ACBD5: variants seen among roughly 807,000 people sequenced by gnomAD.
The protein encoded by ACBD5 is acyl-CoA-binding domain-containing protein 5.
ACBD5 carries 40 observed loss-of-function variants against 71.8 expected under a neutral mutation model. The observed-to-expected ratio is 0.56, with a 90% CI of 0.43 to 0.72. The LOEUF (loss-of-function observed/expected upper bound fraction) is 0.72. ACBD5 is among the 30% of genes least tolerant of loss of function. ACBD5 has a pLI of 0.00. For missense variants in ACBD5, 559 were observed against 644.5 expected, an observed-to-expected ratio of 0.87 and a Z score of 1.44; for synonymous variants, 229 against 218.6, an observed-to-expected ratio of 1.05 and a Z score of -0.42.
chr10:27,195,968 C>T lies in ACBD5; in HGVS notation c.*1462G>A, dbSNP rs991275024. 7.8e-5 allele frequency: 34 copies of T among 433,406 alleles called. No homozygotes were observed. Among genetic ancestry groups the T allele is most frequent in the Non-Finnish European group, 1.5e-4 (33 of 220,050 alleles). The allele number at this position is 433,406 out of a possible 1,614,324, so 26.8% of individuals were successfully genotyped here. The stretch of plus-strand genomic sequence containing the variant: ...CTCTAATCCCAGCACTTTGGGAGGC[C>T]GAGGCAGGCAGATCACCTGAGGTTG... On this transcript the variant is annotated 3_prime_UTR_variant, in exon 13 of 13. Coordinates refer to ENST00000396271, the MANE Select transcript of ACBD5 (RefSeq NM_145698.5).
Position 27,240,778 on chromosome 10 carries a change from C to A in ACBD5, c.-90G>T. On this transcript the variant is annotated 5_prime_UTR_variant, in exon 1 of 13. An upstream start codon of the reference 5' UTR is lost. Coordinates refer to ENST00000396271, the MANE Select transcript of ACBD5 (RefSeq NM_145698.5). The surrounding 1 kb of genome is among the most constrained non-coding windows in gnomAD (Gnocchi z 4.1). ...ACCCTGGCGGAGCAGCCACACCCCC[C>A]ATTCCGCCGGAGTCCGTCTGTCAGT... 2 of 1,536,920 alleles carry A rather than the reference C, an allele frequency of 1.3e-6. No homozygotes were observed. Among genetic ancestry groups the A allele is most frequent in the Non-Finnish European group, 1.8e-6 (2 of 1,135,446 alleles).
At chr10:27,229,769 T>C (rs1397819890) in intron 4 of ACBD5, among the ~76,000 whole-genome samples, 1 of 152,222 alleles carries the variant, frequency 6.6e-6, no homozygotes, top group Non-Finnish European at 1.5e-5. Flanking sequence ...TTTCAATTTA[T>C]GGATATCTTG....
intron 7 of ACBD5, 40 bp from the exon 8 acceptor site, chr10:27,215,681 T>C (rs975358951): frequency 5.6e-6 from 8 of 1,433,336 alleles, no homozygotes; most frequent in Admixed American, 1.8e-5. Flanking sequence ...AATTATACTA[T>C]AGTAGAAGAA....
At chr10:27,194,648 T>TAAG (rs1459493023), downstream of ACBD5, among the ~76,000 whole-genome samples, 1 of 148,574 alleles carries the variant, frequency 6.7e-6, no homozygotes, top group African/African-American at 2.5e-5. Context: ...ATAATAATAA[T>TAAG]AAGATGGTTG....
At chr10:27,184,512 G>A (rs2058528018) in intron 13 of ACBD5, among the ~76,000 whole-genome samples, 1 of 150,332 alleles carries the variant, frequency 6.7e-6, no homozygotes, top group East Asian at 1.9e-4. Context: ...CAACATATTG[G>A]TCAGATTGCC....
chr10:27,203,245 T>G (rs1417855591), intron 12 of ACBD5, among the ~76,000 whole-genome samples: 1 of 152,086 alleles, frequency 6.6e-6, no homozygotes, highest in Non-Finnish European at 1.5e-5. Context: ...CTCAGCTTCC[T>G]AAAGTCCCGG....
chr10:27,207,876 A>G (rs1346054535), intron 10 of ACBD5, among the ~76,000 whole-genome samples: 1 of 152,040 alleles, frequency 6.6e-6, no homozygotes, highest in African/African-American at 2.4e-5. Flanking sequence ...CTGGGATTAC[A>G]GGTATGCAAC....
intron 3 of ACBD5, 30 bp from the exon 4 acceptor site, chr10:27,231,850 A>G (rs751269090): frequency 6.9e-6 from 11 of 1,593,620 alleles, no homozygotes; most frequent in Non-Finnish European, 9.5e-6. Context: ...CAAAATGACA[A>G]AGAGACATCT....
chr10:27,224,936 C>T (rs754022518), intron 4 of ACBD5, among the ~76,000 whole-genome samples: 2 of 151,970 alleles, frequency 1.3e-5, no homozygotes, highest in African/African-American at 2.4e-5. Flanking sequence ...GAGGCTGAGG[C>T]GAGAGAATTG....
chr10:27,190,113 C>T (rs113484892), intron 13 of ACBD5, among the ~76,000 whole-genome samples: 7,532 of 152,024 alleles, frequency 0.05, 214 homozygotes, highest in African/African-American at 0.081. Flanking sequence ...GGTAAAACCC[C>T]GTCTCTACTA....
At chr10:27,205,154 A>T in intron 11 of ACBD5, 44 bp downstream of exon 11, 2 of 1,579,748 alleles carry the variant, frequency 1.3e-6, no homozygotes, top group Non-Finnish European at 1.7e-6. Flanking sequence ...ACAACAAAAA[A>T]CATATGAAAC....
chr10:27,188,504 C>T (rs1328262409), intron 13 of ACBD5, among the ~76,000 whole-genome samples: 1 of 152,124 alleles, frequency 6.6e-6, no homozygotes, highest in Non-Finnish European at 1.5e-5. Context: ...GATTGAGGAA[C>T]AAGCCAATTT....
intron 2 of ACBD5, among the ~76,000 whole-genome samples, chr10:27,238,011 T>G (rs897223520): frequency 3.3e-5 from 5 of 152,006 alleles, no homozygotes; most frequent in Non-Finnish European, 7.4e-5. Context: ...TGGGGTGTGA[T>G]CTAGGCTCAC....
At chr10:27,229,064 C>T (rs1276869387) in intron 4 of ACBD5, among the ~76,000 whole-genome samples, 3 of 149,458 alleles carry the variant, frequency 2.0e-5, no homozygotes, top group South Asian at 2.1e-4. Flanking sequence ...TCAGGTGATC[C>T]GCCCGCCTCG....
Position 27,218,056 on chromosome 10 carries a change from GC to G in ACBD5, c.752del (p.Gly251AlafsTer7). ...TGGGCTTTACTTCTTCAGTGCTTCT[GC>G]CATTCAGGGAAGAACTGGCATGAAT... The part of the protein sequence containing the change: ...NDIHASSSLN[G>X]RSTEEVKPID... On this transcript the variant is annotated frameshift_variant, in exon 7 of 13. Coordinates refer to ENST00000396271, the MANE Select transcript of ACBD5 (RefSeq NM_145698.5). LOFTEE classifies it high-confidence loss of function. 6.2e-7 allele frequency: 1 copy of G among 1,614,114 alleles called. No homozygotes were observed. Among genetic ancestry groups the G allele is most frequent in the Non-Finnish European group, 8.5e-7 (1 of 1,180,026 alleles).
intron 6 of ACBD5, among the ~76,000 whole-genome samples, chr10:27,218,944 T>A (rs1419012143): frequency 6.6e-6 from 1 of 152,170 alleles, no homozygotes; most frequent in Non-Finnish European, 1.5e-5. Context: ...CCGTGTGTTA[T>A]TGGTATTCCA....
intron 4 of ACBD5, among the ~76,000 whole-genome samples, chr10:27,230,395 C>T (rs2063695769): frequency 2.0e-5 from 3 of 151,864 alleles, no homozygotes; most frequent in African/African-American, 7.3e-5. Flanking sequence ...TGGCAAAAAA[C>T]TATTCCTTTT....
At chr10:27,212,652 C>T (rs2061225457) in intron 8 of ACBD5, among the ~76,000 whole-genome samples, 1 of 149,052 alleles carries the variant, frequency 6.7e-6, no homozygotes, top group African/African-American at 2.5e-5. Context: ...GATCTTGGCT[C>T]ATTGCAACCA....
chr10:27,210,553 T>C (rs191523693), intron 9 of ACBD5, among the ~76,000 whole-genome samples: 1 of 151,966 alleles, frequency 6.6e-6, no homozygotes, highest in East Asian at 1.9e-4. Context: ...AGATCAGGAG[T>C]TCGAGACCAG....
Sources: allele counts gnomAD v4.1 joint callset (sites outside exome capture counted in the v4.1 genomes callset), GRCh38; gene constraint gnomAD v4.1.1; non-coding constraint Gnocchi (gnomAD v3.1); transcripts MANE v1.5; gene names NCBI Gene and HGNC (gene_info 2026-07-23, HGNC 2026-07-21).